The following AGAP1 variants were observed in gnomAD, a reference collection of about 807,000 sequenced individuals.
AGAP1 encodes ArfGAP with GTPase domain, ankyrin repeat and PH domain 1, also known as arf-GAP with GTPase, ANK repeat and PH domain-containing protein 1.
AGAP1 carries 29 observed loss-of-function variants against 105.3 expected under a neutral mutation model. The ratio of observed to expected loss-of-function variants is 0.28; its 90% CI spans 0.21 to 0.38. The LOEUF (loss-of-function observed/expected upper bound fraction) is 0.38. AGAP1 is among the 10% of genes least tolerant of loss of function. The pLI is 1.00. For synonymous variants in AGAP1, 509 were observed against 485.9 expected (o/e 1.05, Z -0.63); for missense variants, 998 against 1,165.1 (o/e 0.86, Z 2.09).
rs200006098 is a variant in AGAP1 at position 235,908,758 on chromosome 2, T to C, written c.1176T>C (p.His392=). 1.9e-5 allele frequency: 31 copies of C among 1,612,984 alleles called. No individual in the cohort carries two copies. In the African/African-American group the frequency reaches 2.5e-4, roughly 13 times the overall value. ...PSLHDYMQNV[H]GKEIDLLRTT... ...AACAGGATTACATGCAGAATGTTCA[T>C]GGTAAGGAGATTGACCTTCTGAGAA... is the stretch of plus-strand genomic sequence containing the variant. The change falls in exon 11 of 18, where the codon CAT becomes CAC. Residue 392 remains histidine (H), a synonymous_variant. Transcript: ENST00000304032. The surrounding 1 kb of genome is among the most constrained non-coding windows in gnomAD (Gnocchi z 4.4).
At chr2:236,106,637 A>G (rs966834785) in intron 16 of AGAP1, among the ~76,000 whole-genome samples, 4 of 152,188 alleles carry the variant, frequency 2.6e-5, no homozygotes, top group African/African-American at 9.6e-5. Flanking sequence ...CCATGAATGC[A>G]TTTGGAGAAG....
intron 1 of AGAP1, among the ~76,000 whole-genome samples, chr2:235,518,427 A>G (rs76447917): frequency 0.034 from 5,136 of 152,286 alleles, 118 homozygotes; most frequent in Middle Eastern, 0.16. Flanking sequence ...TTACCTCTCA[A>G]ATTGCCTCTT....
intron 1 of AGAP1, among the ~76,000 whole-genome samples, chr2:235,593,793 C>T (rs991163924): frequency 6.6e-6 from 1 of 151,974 alleles, no homozygotes; most frequent in Non-Finnish European, 1.5e-5. Context: ...GTGAGACCCA[C>T]ATCTCTAAAA....
rs1484918080 is a variant in AGAP1, at chr2:235,879,983, C to T, written c.1051-3362C>T. 1.3e-5 allele frequency among the ~76,000 whole-genome samples: 2 copies of T among 151,596 alleles called. No individual in the cohort carries two copies. The highest frequency in any genetic ancestry group is 2.9e-5 in the Non-Finnish European group (2 of 67,982). ...AAAATTAGCCGAACAGGATGGCACA[C>T]GCCTGTAGTCCCAAGCTACTCAGGA... is the stretch of plus-strand genomic sequence containing the variant. On this transcript the variant is annotated intron_variant, in intron 9 of 17. Transcript: ENST00000304032. The surrounding 1 kb of genome is among the most constrained non-coding windows in gnomAD (Gnocchi z 5.0).
rs1273147402 is a variant in AGAP1, at chr2:235,612,543, A to G, written c.164-96636A>G. Among the ~76,000 whole-genome samples the G allele has an allele frequency of 6.6e-6, 1 of 152,196 alleles. No individual in the cohort carries two copies. The highest frequency in any genetic ancestry group is 2.4e-5 in the African/African-American group (1 of 41,438). On this transcript the variant is annotated intron_variant, in intron 1 of 17. Coordinates refer to ENST00000304032, the MANE Select transcript of AGAP1 (RefSeq NM_001037131.3). This position sits in a 1 kb window ranked among gnomAD's most constrained non-coding sequence, Gnocchi z 4.3. ...AAATACTTACTTAATAGCTGATTGT[A>G]TTCAGGTGCTAAGGGAAAAGAACGT... is the stretch of plus-strand genomic sequence containing the variant.
chr2:235,833,367 AAGATG>A (rs1185760472), intron 9 of AGAP1, among the ~76,000 whole-genome samples: 1 of 152,206 alleles, frequency 6.6e-6, no homozygotes, highest in African/African-American at 2.4e-5. Flanking sequence ...GCAAAATTAG[AAGATG>A]TACATGGACA....
chr2:235,498,633 T>C (rs1290867722), intron 1 of AGAP1, among the ~76,000 whole-genome samples: 1 of 152,240 alleles, frequency 6.6e-6, no homozygotes, highest in Admixed American at 6.5e-5. Context: ...ATAAAGCCTC[T>C]CTTAGCAGTC....
In AGAP1 at chr2:235,724,146, T is replaced by G. The variant is rs1951532261; in HGVS notation, c.310+6502T>G. The stretch of plus-strand genomic sequence containing the variant: ...CTTCCTTCAGTGATGGAATCTGGAG[T>G]TTCTGACTGATTCTTAACCAACTCA... On this transcript the variant is annotated intron_variant, in intron 3 of 17. Coordinates refer to ENST00000304032, the MANE Select transcript of AGAP1 (RefSeq NM_001037131.3). This position sits in a 1 kb window ranked among gnomAD's most constrained non-coding sequence, Gnocchi z 4.9. 6.6e-6 allele frequency among the ~76,000 whole-genome samples: 1 copy of G among 151,942 alleles called. No individual in the cohort carries two copies. Among genetic ancestry groups the G allele is most frequent in the South Asian group, 2.1e-4 (1 of 4,798 alleles).
rs967543168 is a variant in AGAP1 at position 236,057,551 on chromosome 2, G to GC, written c.2114+8278dup. Among the ~76,000 whole-genome samples, 544 of 151,332 alleles carry GC rather than the reference G, an allele frequency of 3.6e-3. 2 individuals are homozygous for GC. Among genetic ancestry groups the GC allele is most frequent in the African/African-American group, 9.6e-3 (394 of 41,166 alleles). On this transcript the variant is annotated intron_variant, in intron 16 of 17. Coordinates refer to ENST00000304032, the MANE Select transcript of AGAP1 (RefSeq NM_001037131.3). ...CCACCCACACAAGTGCAGGGTTAGA[G>GC]CCCCCCCCTCAACCCCCGTGTTTCA... is the stretch of plus-strand genomic sequence containing the variant.
chr2:235,650,485 A>G (rs958441826), intron 1 of AGAP1, among the ~76,000 whole-genome samples: 4 of 152,090 alleles, frequency 2.6e-5, no homozygotes, highest in Non-Finnish European at 4.4e-5. Context: ...CCATCCATCC[A>G]TTATATGTTA....
At chr2:235,773,905 C>T in intron 6 of AGAP1, 1 of 453,438 alleles carries the variant, frequency 2.2e-6, no homozygotes. Context: ...TCTTTTCTTG[C>T]TTGAGATATT....
At chr2:236,037,205 C>A (rs566525928) in intron 14 of AGAP1, 1 of 156,518 alleles carries the variant, frequency 6.4e-6, no homozygotes, top group Admixed American at 6.1e-5. Flanking sequence ...TTTCTATTAT[C>A]TAAACTGATA....
At position 235,494,166 on chromosome 2, in the gene AGAP1, C is replaced by A; in HGVS notation, c.-521C>A. On this transcript the variant is annotated 5_prime_UTR_variant, in exon 1 of 18. Transcript: ENST00000304032. ...GTCGGCGGGCGGCGCACGGCGGGCT[C>A]GCGCGGGGGCCCCGGCGCGCCGGGC... 2 of 142,910 alleles carry A rather than the reference C, an allele frequency of 1.4e-5. No individual in the cohort carries two copies. Among genetic ancestry groups the A allele is most frequent in the South Asian group, 3.9e-4 (2 of 5,088 alleles). The allele number at this position is 142,910 out of a possible 1,614,324, so 8.9% of individuals were successfully genotyped here. A position where few individuals can be genotyped will look rare whatever the true frequency, so the allele number is the denominator to read the frequency against.
In AGAP1 at chr2:235,789,177, GT is replaced by G. The variant is rs1370010352; in HGVS notation, c.674-8579del. Among the ~76,000 whole-genome samples the G allele has an allele frequency of 3.3e-5, 5 of 152,292 alleles. No individual in the cohort carries two copies. Among genetic ancestry groups the G allele is most frequent in the African/African-American group, 1.2e-4 (5 of 41,554 alleles). On this transcript the variant is annotated intron_variant, in intron 6 of 17. Transcript: ENST00000304032. This position sits in a 1 kb window ranked among gnomAD's most constrained non-coding sequence, Gnocchi z 4.2. ...TAAAAATGTCAAATACACCATATTTGTTTCAGCACAGGGTTTTTGTTTTTGT... is the reference window on the plus strand; with the variant it reads ...TAAAAATGTCAAATACACCATATTTGTTCAGCACAGGGTTTTTGTTTTTGT...
rs141716710 is a variant in AGAP1 at position 235,799,494 on chromosome 2, A to C, written c.929A>C (p.Gln310Pro). Residue 310 changes from glutamine to proline, a missense_variant, in exon 8 of 18, where the codon CAG (glutamine) becomes CCG (proline). Gln to Pro is a moderately conservative substitution (Grantham distance 76, BLOSUM62 -1). Coordinates refer to ENST00000304032, the MANE Select transcript of AGAP1 (RefSeq NM_001037131.3). This position sits in a 1 kb window ranked among gnomAD's most constrained non-coding sequence, Gnocchi z 5.0. ...AACACGCCCACGCCCGTTCGCAAGC[A>C]GTCTAAGCGCCGGTCCAACCTGTTC... ...TANTPTPVRKQSKRRSNLFTS... is the reference protein window; with the variant it reads ...TANTPTPVRKPSKRRSNLFTS... 15 of 1,614,220 alleles carry C rather than the reference A, an allele frequency of 9.3e-6. No individual in the cohort carries two copies. In the African/African-American group the frequency reaches 1.6e-4, roughly 17 times the overall value.
intron 3 of AGAP1, among the ~76,000 whole-genome samples, chr2:235,738,256 A>G (rs1014667130): frequency 8.5e-5 from 13 of 152,112 alleles, no homozygotes; most frequent in South Asian, 2.1e-4. Flanking sequence ...TAAATGGGGC[A>G]GGGATGGTGA....
chr2:236,072,605 A>T (rs1057513861), intron 16 of AGAP1: 1 of 152,074 alleles, frequency 6.6e-6, no homozygotes, highest in Non-Finnish European at 1.5e-5. Flanking sequence ...TGCCCAGCTA[A>T]ATTTAATTTA....
In AGAP1 at chr2:235,882,621, G is replaced by A. The variant is rs574041281; in HGVS notation, c.1051-724G>A. On this transcript the variant is annotated intron_variant, in intron 9 of 17. Transcript: ENST00000304032. This position sits in a 1 kb window ranked among gnomAD's most constrained non-coding sequence, Gnocchi z 4.6. ...TGGGATTATAGGTGCCCACCACTGC[G>A]TCCAGCTAATTTTTGTATTTTTAGT... 4 of 387,350 alleles carry A rather than the reference G, an allele frequency of 1.0e-5. No homozygotes were observed. Among genetic ancestry groups the A allele is most frequent in the South Asian group, 5.9e-5 (2 of 33,778 alleles). The allele number at this position is 387,350 out of a possible 1,614,324, so 24.0% of individuals were successfully genotyped here.
At chr2:235,813,307 A>G (rs1483593144) in intron 9 of AGAP1, among the ~76,000 whole-genome samples, 1 of 152,248 alleles carries the variant, frequency 6.6e-6, no homozygotes, top group East Asian at 1.9e-4. Flanking sequence ...AAGCAATCGA[A>G]AAGAATACTT....
Sources: allele counts gnomAD v4.1 joint callset (sites outside exome capture counted in the v4.1 genomes callset), GRCh38; gene constraint gnomAD v4.1.1; non-coding constraint Gnocchi (gnomAD v3.1); transcripts MANE v1.5; gene names NCBI Gene and HGNC (gene_info 2026-07-23, HGNC 2026-07-21).